Variants in ASTN1 observed in about 807,000 individuals in gnomAD.
The protein encoded by ASTN1 is astrotactin-1.
ASTN1 carries 41 observed loss-of-function variants against 140.7 expected under a neutral mutation model. The observed-to-expected ratio is 0.29, with a 90% confidence interval of 0.23 to 0.38. The LOEUF (loss-of-function observed/expected upper bound fraction) is 0.38, where lower values mean the gene tolerates loss of function less well. Ranked by LOEUF, ASTN1 falls within the 10% of genes least tolerant of loss-of-function variation. The pLI is 1.00. For missense variants in ASTN1, 1,479 were observed against 1,678.8 expected, an observed-to-expected ratio of 0.88 and a Z score of 2.08; for synonymous variants, 640 against 652.2, an observed-to-expected ratio of 0.98 and a Z score of 0.29.
chr1:177,056,955 T>G (rs1223277466), intron 2 of ASTN1, among the ~76,000 whole-genome samples: 1 of 152,234 alleles, frequency 6.6e-6, no homozygotes, highest in Non-Finnish European at 1.5e-5. Flanking sequence ...CTGATTCTGC[T>G]TTCATTTGTT....
chr1:176,975,608 T>C (rs1472867665), intron 8 of ASTN1, among the ~76,000 whole-genome samples: 1 of 152,206 alleles, frequency 6.6e-6, no homozygotes, highest in Admixed American at 6.5e-5. Context: ...TGTGTTTTCA[T>C]GGGGCATGTA....
Position 177,032,552 on chromosome 1 carries a change from A to C in ASTN1, c.769T>G (p.Cys257Gly), listed in dbSNP as rs771834713. 6.2e-7 allele frequency: 1 copy of C among 1,613,794 alleles called. No homozygotes were observed. The highest frequency in any genetic ancestry group is 8.5e-7 in the Non-Finnish European group (1 of 1,179,962). The change falls in exon 3 of 23, where the codon TGC (cysteine) becomes GGC (glycine). Residue 257 changes from cysteine (C) to glycine (G), a missense_variant. Cys to Gly is a radical substitution (Grantham distance 159). Around this residue, in one of 3 missense-constraint regions of ASTN1, gnomAD observed 729 missense variants for 860.4 expected, o/e 0.85. Coordinates refer to ENST00000361833, the MANE Select transcript of ASTN1 (RefSeq NM_004319.3). ...GCAAAGTCCTCCCCTCCGTTCATGC[A>C]CTCCCTCTGCAGATGGTGGCGCAGA... ...TDLRHHLQRE[C>G]MNGGEDFASQ...
intron 1 of ASTN1, among the ~76,000 whole-genome samples, chr1:177,105,117 C>T (rs1680490540): frequency 6.6e-6 from 1 of 152,160 alleles, no homozygotes; most frequent in African/African-American, 2.4e-5. Flanking sequence ...CTAGGCCCAT[C>T]ATTTCCTCAC....
At chr1:177,125,671 A>T (rs1395743517) in intron 1 of ASTN1, among the ~76,000 whole-genome samples, 1 of 152,234 alleles carries the variant, frequency 6.6e-6, no homozygotes, top group African/African-American at 2.4e-5. Flanking sequence ...AGTCATTGAA[A>T]ATGACACCAA....
At chr1:176,983,879 T>A (rs1673753459) in intron 8 of ASTN1, among the ~76,000 whole-genome samples, 1 of 152,214 alleles carries the variant, frequency 6.6e-6, no homozygotes, top group South Asian at 2.1e-4. Flanking sequence ...ACAAAAGATT[T>A]CTGATTCCCA....
chr1:177,124,350 T>C (rs1320820086), intron 1 of ASTN1, among the ~76,000 whole-genome samples: 1 of 152,198 alleles, frequency 6.6e-6, no homozygotes, highest in African/African-American at 2.4e-5. Context: ...AGTAGCGCAT[T>C]TGAGGCCAAA....
At chr1:176,898,274 A>G (rs1347883014) in intron 16 of ASTN1, among the ~76,000 whole-genome samples, 1 of 152,214 alleles carries the variant, frequency 6.6e-6, no homozygotes, top group Non-Finnish European at 1.5e-5. Context: ...GAAAACCTTC[A>G]GGTCCACATA....
chr1:176,996,744 C>T (rs1674471547), intron 8 of ASTN1, among the ~76,000 whole-genome samples: 1 of 152,162 alleles, frequency 6.6e-6, no homozygotes, highest in Admixed American at 6.5e-5. Context: ...GCTCTCCCTG[C>T]TGTGAAGACT....
intron 1 of ASTN1, among the ~76,000 whole-genome samples, chr1:177,126,991 T>C (rs550615399): frequency 5.8e-4 from 88 of 152,064 alleles, no homozygotes; most frequent in Middle Eastern, 3.2e-3. Flanking sequence ...ATAAATAACA[T>C]TTTGAAGCTA....
chr1:177,122,965 G>T (rs1025882639), intron 1 of ASTN1, among the ~76,000 whole-genome samples: 1 of 152,078 alleles, frequency 6.6e-6, no homozygotes, highest in Admixed American at 6.6e-5. Context: ...TAACTGAAGC[G>T]CTTCCTGAGG....
chr1:177,069,894 A>G (rs1437904369), intron 1 of ASTN1, among the ~76,000 whole-genome samples: 3 of 152,078 alleles, frequency 2.0e-5, no homozygotes, highest in South Asian at 2.1e-4. Context: ...TTTTTGAAAA[A>G]GGCAGGGTTA....
chr1:177,000,337 T>G (rs977012000), intron 8 of ASTN1, among the ~76,000 whole-genome samples: 3 of 152,164 alleles, frequency 2.0e-5, no homozygotes, highest in Non-Finnish European at 4.4e-5. Context: ...TACATAGTGA[T>G]TTGAACAGTC....
rs758687547 is a variant in ASTN1, at chr1:177,032,592, C to T, written c.729G>A (p.Glu243=). ...IRETPILDGY[E]YDITDLRHHL... is the part of the protein sequence containing the mutation. ...GGTGGCGCAGATCAGTGATGTCATACTCATAGCCGTCCAGGATAGGTGTCT... is the reference window on the plus strand; with the variant it reads ...GGTGGCGCAGATCAGTGATGTCATATTCATAGCCGTCCAGGATAGGTGTCT... Residue 243 remains glutamate, a synonymous_variant, in exon 3 of 23, where the codon GAG becomes GAA. Transcript: ENST00000361833. 1.2e-6 allele frequency: 2 copies of T among 1,614,196 alleles called. No homozygotes were observed. Among genetic ancestry groups the T allele is most frequent in the Non-Finnish European group, 1.7e-6 (2 of 1,180,038 alleles).
intron 1 of ASTN1, among the ~76,000 whole-genome samples, chr1:177,155,718 G>A (rs1310382824): frequency 6.6e-6 from 1 of 152,174 alleles, no homozygotes; most frequent in African/African-American, 2.4e-5. Context: ...TCACGAATTA[G>A]ATGAGAGCTA....
chr1:176,896,118 T>C (rs955779813), intron 16 of ASTN1, among the ~76,000 whole-genome samples: 1 of 152,228 alleles, frequency 6.6e-6, no homozygotes, highest in South Asian at 2.1e-4. Context: ...TGTGATTCCC[T>C]TCTTGTTTGC....
chr1:177,058,644 C>T (rs1263838889), intron 2 of ASTN1, among the ~76,000 whole-genome samples: 2 of 152,072 alleles, frequency 1.3e-5, no homozygotes, highest in Non-Finnish European at 2.9e-5. Flanking sequence ...AGGGCACAGC[C>T]TATTTCCTAA....
intron 1 of ASTN1, among the ~76,000 whole-genome samples, chr1:177,074,349 C>T (rs138319491): frequency 6.6e-6 from 1 of 152,136 alleles, no homozygotes; most frequent in Non-Finnish European, 1.5e-5. Context: ...ATAACTGAGT[C>T]TCCATGCCCA....
chr1:176,888,421 G>A (rs1007164965), intron 17 of ASTN1, among the ~76,000 whole-genome samples: 2 of 152,088 alleles, frequency 1.3e-5, no homozygotes, highest in African/African-American at 4.8e-5. Flanking sequence ...TCCCTTTACC[G>A]TAACAGTTCC....
intron 8 of ASTN1, among the ~76,000 whole-genome samples, chr1:176,973,507 T>C (rs1673231514): frequency 6.6e-6 from 1 of 152,208 alleles, no homozygotes; most frequent in Non-Finnish European, 1.5e-5. Context: ...ACCACACTGA[T>C]TACTTTCATT....
Sources: gnomAD v4.1 joint callset for allele counts (sites outside exome capture counted in the v4.1 genomes callset) on GRCh38, gnomAD v4.1.1 for gene constraint, gnomAD v4.1.1 regional missense constraint, MANE v1.5 for transcripts, NCBI Gene and HGNC (gene_info 2026-07-23, HGNC 2026-07-21) for gene names.